STK11: variants seen among roughly 807,000 people sequenced by gnomAD.
The protein encoded by STK11 is serine/threonine-protein kinase STK11.
In STK11, 8 loss-of-function variants were observed where a neutral mutation model predicts 47.3. The ratio of observed to expected loss-of-function variants is 0.17; its 90% CI spans 0.10 to 0.31. The LOEUF (loss-of-function observed/expected upper bound fraction) is 0.31, where lower values mean the gene tolerates loss of function less well. Ranked by LOEUF, STK11 falls within the 10% of genes least tolerant of loss-of-function variation. The pLI is 1.00. For missense variants in STK11, 475 were observed against 605.0 expected (o/e 0.79, Z 2.25); for synonymous variants, 330 against 255.8 (o/e 1.29, Z -2.77).
chr19:1,222,402 G>A (rs1022508472), intron 7 of STK11, among the ~76,000 whole-genome samples: 8 of 152,182 alleles, frequency 5.3e-5, no homozygotes, highest in African/African-American at 1.4e-4. Context: ...ACAGAGCAGC[G>A]GACGGGGTCA....
intron 8 of STK11, chr19:1,225,459 G>A (rs1268469719): frequency 6.1e-6 from 5 of 825,922 alleles, no homozygotes; most frequent in Admixed American, 6.2e-5. Context: ...TAGTAGAGAC[G>A]GGGGTTTCAC....
At chr19:1,222,893 G>A in intron 7 of STK11, 92 bp from the exon 8 acceptor site, 1 of 1,394,310 alleles carries the variant, frequency 7.2e-7, no homozygotes, top group African/African-American at 1.4e-5. Flanking sequence ...CTGAGTGTGT[G>A]GCAGGTACCC....
chr19:1,226,000 T>G, intron 8 of STK11: 1 of 1,006,722 alleles, frequency 9.9e-7, no homozygotes, highest in Non-Finnish European at 1.2e-6. Flanking sequence ...TGTGCTGGCA[T>G]TTCGCGTGCC....
intron 8 of STK11, 105 bp from the exon 9 acceptor site, chr19:1,226,349 T>C (rs1044361188): frequency 6.6e-5 from 101 of 1,521,212 alleles, no homozygotes; most frequent in Non-Finnish European, 8.1e-5. Context: ...GGGCATGGCC[T>C]GGGCAGCAGC....
At chr19:1,215,977 T>TCCTC (rs34455363) in intron 1 of STK11, among the ~76,000 whole-genome samples, 82,459 of 151,178 alleles carry the variant, frequency 0.55, 23,166 homozygotes, top group East Asian at 0.98. Flanking sequence ...CCTCAGGTGA[T>TCCTC]CCACCTCGGC....
Position 1,220,705 on chromosome 19 carries a change from C to T in STK11, c.722C>T (p.Ala241Val), listed in dbSNP as rs2080777192. 1 of 1,609,382 alleles carries T rather than the reference C, an allele frequency of 6.2e-7. No individual in the cohort carries two copies. Reference protein sequence around the residue: ...FSGFKVDIWSAGVTLYNITTG... With the variant: ...FSGFKVDIWSVGVTLYNITTG... ...GGCTTCAAGGTGGACATCTGGTCGG[C>T]TGGGGTCACCCTGTAAGTGCCCCGC... is the stretch of plus-strand genomic sequence containing the variant. Residue 241 changes from alanine to valine, a missense_variant, in exon 5 of 10, where the codon GCT (alanine) becomes GTT (valine). By Grantham distance (64) the Ala-to-Val change is moderately conservative. Coordinates refer to ENST00000326873, the MANE Select transcript of STK11 (RefSeq NM_000455.5).
chr19:1,216,023 G>A (rs904394561), intron 1 of STK11, among the ~76,000 whole-genome samples: 2 of 151,622 alleles, frequency 1.3e-5, no homozygotes, highest in South Asian at 2.1e-4. Flanking sequence ...GTGAGTCACC[G>A]CGCCTGGCCC....
At chr19:1,216,027 C>G (rs544614270) in intron 1 of STK11, among the ~76,000 whole-genome samples, 3 of 152,110 alleles carry the variant, frequency 2.0e-5, no homozygotes, top group African/African-American at 7.2e-5. Flanking sequence ...GTCACCGCGC[C>G]TGGCCCCCCA....
chr19:1,215,153 T>C (rs914256687), intron 1 of STK11, among the ~76,000 whole-genome samples: 3 of 152,094 alleles, frequency 2.0e-5, no homozygotes, highest in Non-Finnish European at 4.4e-5. Flanking sequence ...AGGAAGGCGC[T>C]GGGCCCCGGG....
At chr19:1,213,561 G>A (rs1358081934) in intron 1 of STK11, among the ~76,000 whole-genome samples, 2 of 152,238 alleles carry the variant, frequency 1.3e-5, no homozygotes, top group African/African-American at 4.8e-5. Flanking sequence ...CACGGAGTGT[G>A]CTGTCCTCAA....
In STK11 at chr19:1,206,743, C is replaced by T; in HGVS notation, c.-171C>T. ...TCGCAGCCGGGACTGACGTGTAGAA[C>T]AATCGTTTCTGTTGGAAGAAGGGTT... On this transcript the variant is annotated 5_prime_UTR_variant, in exon 1 of 10. Transcript: ENST00000326873. The T allele has an allele frequency of 1.1e-6, 1 of 923,616 alleles. No individual in the cohort carries two copies. Among genetic ancestry groups the T allele is most frequent in the Non-Finnish European group, 1.6e-6 (1 of 635,126 alleles). 57.2% of individuals were successfully genotyped at this position (923,616 alleles called of 1,614,324 possible). A position where few individuals can be genotyped will look rare whatever the true frequency, so the allele number is the denominator to read the frequency against.
chr19:1,221,781 C>A, intron 6 of STK11, 168 bp from the exon 7 acceptor site: 1 of 723,996 alleles, frequency 1.4e-6, no homozygotes, highest in Non-Finnish European at 2.3e-6. Context: ...CCGGCATGTC[C>A]CAGGAGTGGA....
At chr19:1,223,619 G>A (rs1002319213) in intron 8 of STK11, 23 of 1,069,122 alleles carry the variant, frequency 2.2e-5, no homozygotes, top group African/African-American at 1.3e-4. Context: ...CCCTGATGCC[G>A]GCCGCCCTTC....
At chr19:1,210,641 G>A (rs953650967) in intron 1 of STK11, among the ~76,000 whole-genome samples, 2 of 152,202 alleles carry the variant, frequency 1.3e-5, no homozygotes, top group Admixed American at 6.5e-5. Flanking sequence ...AGGCCAAGGC[G>A]GGTGGATCAC....
intron 8 of STK11, chr19:1,224,881 C>G (rs1264438876): frequency 1.0e-6 from 1 of 985,556 alleles, no homozygotes; most frequent in Non-Finnish European, 1.2e-6. Flanking sequence ...TGGGGACAGG[C>G]TCAACTTCAG....
At chr19:1,225,394 T>A in intron 8 of STK11, 1 of 826,990 alleles carries the variant, frequency 1.2e-6, no homozygotes. Context: ...CTCAGCCTCC[T>A]GAGTAGCTGG....
chr19:1,209,804 C>G (rs1482581623), intron 1 of STK11, among the ~76,000 whole-genome samples: 1 of 151,892 alleles, frequency 6.6e-6, no homozygotes, highest in Non-Finnish European at 1.5e-5. Flanking sequence ...TTGGTGGAGA[C>G]AGGCAAGAAG....
rs367796283 is a variant in STK11, at chr19:1,221,110, C to G, written c.735-103C>G. On this transcript the variant is annotated intron_variant, in intron 5 of 9. Coordinates refer to ENST00000326873, the MANE Select transcript of STK11 (RefSeq NM_000455.5). The stretch of plus-strand genomic sequence containing the variant: ...TCCTTGAGTCCACAGGGCCTCTGGT[C>G]CAGCAGCCACGGGACGCCTCTGTCC... 2.6e-6 allele frequency: 4 copies of G among 1,521,268 alleles called. No individual in the cohort carries two copies. The South Asian group carries it at 4.9e-5, about 19-fold the overall frequency. 94.2% of individuals were successfully genotyped at this position (1,521,268 alleles called of 1,614,324 possible).
chr19:1,225,055 T>C, intron 8 of STK11: 1 of 985,652 alleles, frequency 1.0e-6, no homozygotes, highest in Non-Finnish European at 1.2e-6. Context: ...AGGATGCGGG[T>C]CCTGCTGCCA....
Sources: gnomAD v4.1 joint callset for allele counts (sites outside exome capture counted in the v4.1 genomes callset) on GRCh38, gnomAD v4.1.1 for gene constraint, MANE v1.5 for transcripts, NCBI Gene and HGNC (gene_info 2026-07-23, HGNC 2026-07-21) for gene names.